The following RBFOX1 variants were observed in gnomAD, a reference collection of about 807,000 sequenced individuals.
RBFOX1 encodes the protein RNA binding fox-1 homolog 1.
In RBFOX1, 8 loss-of-function variants were observed where a neutral mutation model predicts 57.7. The observed-to-expected ratio is 0.14, with a 90% CI of 0.08 to 0.25. The LOEUF is 0.25. Among genes scored for constraint, RBFOX1 ranks in the 10% least tolerant of loss-of-function variants. The probability of loss-of-function intolerance (pLI) is 1.00; values close to 1 mark genes in which losing one functional copy is unlikely to be tolerated. For missense variants in RBFOX1, 611 were observed against 548.5 expected, an observed-to-expected ratio of 1.11 and a Z score of -1.14; for synonymous variants, 326 against 222.4, an observed-to-expected ratio of 1.47 and a Z score of -4.15.
intron 4 of RBFOX1, among the ~76,000 whole-genome samples, chr16:7,471,179 CTGCCA>C (rs1478682653): frequency 6.6e-6 from 1 of 152,160 alleles, no homozygotes; most frequent in Non-Finnish European, 1.5e-5. Flanking sequence ...GAATATGTGT[CTGCCA>C]TGCTCTTTTT....
chr16:5,341,324 C>G (rs1250951894), intron 1 of RBFOX1, among the ~76,000 whole-genome samples: 2 of 152,086 alleles, frequency 1.3e-5, no homozygotes, highest in African/African-American at 4.8e-5. Flanking sequence ...ATACTGGATC[C>G]TGTTTGAAGA....
chr16:7,241,681 C>G (rs551384532), intron 4 of RBFOX1, among the ~76,000 whole-genome samples: 3 of 152,028 alleles, frequency 2.0e-5, no homozygotes, highest in Non-Finnish European at 2.9e-5. Context: ...TACAAAAAAT[C>G]TACATCTGGA....
rs984753408 is a variant in RBFOX1 at position 6,685,977 on chromosome 16, C to A, written c.-16+31327C>A. Among the ~76,000 whole-genome samples, 6 of 152,190 alleles carry A rather than the reference C, an allele frequency of 3.9e-5. No homozygotes were observed. In the South Asian group the frequency reaches 1.0e-3, roughly 26 times the overall value. On this transcript the variant is annotated intron_variant, in intron 3 of 15. Transcript: ENST00000550418. ...TTGATTCCAACGTGACAAAACCAAG[C>A]AGGTTCTGTCTAGCTTTTGCAAGAC...
intron 4 of RBFOX1, among the ~76,000 whole-genome samples, chr16:7,346,798 C>T (rs541380377): frequency 2.0e-4 from 31 of 152,232 alleles, no homozygotes; most frequent in Admixed American, 3.9e-4. Flanking sequence ...GGTTGATGAT[C>T]TCCACCATTC....
intron 1 of RBFOX1, among the ~76,000 whole-genome samples, chr16:5,458,201 T>C (rs1333988053): frequency 6.6e-6 from 1 of 152,232 alleles, no homozygotes; most frequent in African/African-American, 2.4e-5. Context: ...AATTAAGTGC[T>C]GGATACTCTT....
At chr16:6,790,246 A>C (rs1012238848) in intron 3 of RBFOX1, among the ~76,000 whole-genome samples, 2 of 151,188 alleles carry the variant, frequency 1.3e-5, no homozygotes, top group African/African-American at 4.9e-5. Flanking sequence ...ATGCAGTGGT[A>C]CAATTTTAGC....
intron 1 of RBFOX1, among the ~76,000 whole-genome samples, chr16:6,210,742 G>T (rs1329739020): frequency 6.6e-6 from 1 of 151,804 alleles, no homozygotes; most frequent in Non-Finnish European, 1.5e-5. Flanking sequence ...AAAAAGAAAA[G>T]AAAAGAAAAG....
intron 3 of RBFOX1, among the ~76,000 whole-genome samples, chr16:6,927,278 T>C (rs1203803282): frequency 6.6e-6 from 1 of 151,518 alleles, no homozygotes; most frequent in African/African-American, 2.4e-5. Flanking sequence ...CCAGGTGTGG[T>C]GACACACACC....
chr16:5,329,735 T>G (rs944267978), intron 1 of RBFOX1, among the ~76,000 whole-genome samples: 1 of 152,186 alleles, frequency 6.6e-6, no homozygotes, highest in Non-Finnish European at 1.5e-5. Context: ...CGCGGTGGCT[T>G]ACGCCTGTAA....
At chr16:6,986,038 A>G (rs778742161) in intron 3 of RBFOX1, among the ~76,000 whole-genome samples, 1 of 151,606 alleles carries the variant, frequency 6.6e-6, no homozygotes, top group South Asian at 2.1e-4. Context: ...GAGAACCTGC[A>G]TATCTCCAAT....
intron 3 of RBFOX1, among the ~76,000 whole-genome samples, chr16:6,897,422 T>A (rs1474147467): frequency 6.6e-6 from 1 of 151,066 alleles, no homozygotes; most frequent in Non-Finnish European, 1.5e-5. Flanking sequence ...AAAGGAAACA[T>A]TTGCATTGAC....
chr16:5,463,091 T>G (rs72772795), intron 1 of RBFOX1, among the ~76,000 whole-genome samples: 1,911 of 152,342 alleles, frequency 0.013, 22 homozygotes, highest in Non-Finnish European at 0.021. Flanking sequence ...AGATATATTT[T>G]TGCATTTTTA....
At chr16:6,604,399 A>T (rs1182880992) in intron 2 of RBFOX1, among the ~76,000 whole-genome samples, 1 of 152,100 alleles carries the variant, frequency 6.6e-6, no homozygotes, top group Non-Finnish European at 1.5e-5. Flanking sequence ...CAGGACTTAC[A>T]GTCTTGCATT....
At chr16:5,524,091 C>T (rs958859850) in intron 2 of RBFOX1, among the ~76,000 whole-genome samples, 2 of 152,204 alleles carry the variant, frequency 1.3e-5, no homozygotes, top group Non-Finnish European at 2.9e-5. Flanking sequence ...GTGTCAGATT[C>T]CTTCCACCAG....
chr16:5,653,785 T>A (rs1010833755), intron 3 of RBFOX1, among the ~76,000 whole-genome samples: 9 of 152,204 alleles, frequency 5.9e-5, no homozygotes, highest in Non-Finnish European at 1.5e-5. Flanking sequence ...CCGGTTTACC[T>A]GCAGCCACTG....
intron 2 of RBFOX1, among the ~76,000 whole-genome samples, chr16:6,610,741 C>A (rs1292513583): frequency 6.6e-6 from 1 of 152,212 alleles, no homozygotes; most frequent in East Asian, 1.9e-4. Context: ...TTCCGCCAAA[C>A]AATCACTACC....
intron 1 of RBFOX1, among the ~76,000 whole-genome samples, chr16:6,310,836 G>A (rs988317553): frequency 6.6e-6 from 1 of 151,508 alleles, no homozygotes; most frequent in Admixed American, 6.6e-5. Flanking sequence ...ATGATTCACT[G>A]TGCTTGGGGA....
At chr16:7,380,205 T>C (rs2097762793) in intron 4 of RBFOX1, among the ~76,000 whole-genome samples, 1 of 152,170 alleles carries the variant, frequency 6.6e-6, no homozygotes, top group Admixed American at 6.5e-5. Flanking sequence ...CTATATCACA[T>C]CATGATTTTA....
At chr16:6,047,665 G>T (rs1365175884) in intron 1 of RBFOX1, among the ~76,000 whole-genome samples, 1 of 152,178 alleles carries the variant, frequency 6.6e-6, no homozygotes, top group South Asian at 2.1e-4. Flanking sequence ...CAGAGTGAAT[G>T]AAATCACCCT....
Sources: gnomAD v4.1 joint callset for allele counts (sites outside exome capture counted in the v4.1 genomes callset) on GRCh38, gnomAD v4.1.1 for gene constraint, MANE v1.5 for transcripts, NCBI Gene and HGNC (gene_info 2026-07-23, HGNC 2026-07-21) for gene names.